The following PROSER2 variants were observed in gnomAD, a reference collection of about 807,000 sequenced individuals.
PROSER2 encodes the protein proline and serine-rich protein 2.
PROSER2 carries 18 observed loss-of-function variants against 14.6 expected under a neutral mutation model. The observed-to-expected ratio is 1.23, with a 90% CI of 0.85 to 1.83. The LOEUF (loss-of-function observed/expected upper bound fraction) is 1.83, where lower values mean the gene tolerates loss of function less well. PROSER2 is among the 40% of genes most tolerant of loss of function. The pLI, the probability that PROSER2 is intolerant of heterozygous loss-of-function variation, is 0.00. For missense variants in PROSER2, 823 were observed against 629.8 expected, an observed-to-expected ratio of 1.31 and a Z score of -3.28; for synonymous variants, 367 against 286.4, an observed-to-expected ratio of 1.28 and a Z score of -2.84.
rs1405213377 is a variant in PROSER2 at position 11,836,345 on chromosome 10, T to G, written c.-82+12875T>G. Among the ~76,000 whole-genome samples, 3 of 151,988 alleles carry G rather than the reference T, an allele frequency of 2.0e-5. No individual in the cohort carries two copies. In the East Asian group the frequency reaches 5.8e-4, roughly 29 times the overall value. ...CCAAGTAGTTGGGATTACGGGCGCATACCACCACACCCGGCTAATTTTTGC... is the reference window on the plus strand; with the variant it reads ...CCAAGTAGTTGGGATTACGGGCGCAGACCACCACACCCGGCTAATTTTTGC... On this transcript the variant is annotated intron_variant, in intron 1 of 3. Coordinates refer to ENST00000277570, the MANE Select transcript of PROSER2 (RefSeq NM_153256.4). The surrounding 1 kb of genome is among the most constrained non-coding windows in gnomAD (Gnocchi z 4.6).
intron 2 of PROSER2, among the ~76,000 whole-genome samples, chr10:11,855,501 G>A (rs945484570): frequency 6.6e-6 from 1 of 150,682 alleles, no homozygotes; most frequent in East Asian, 1.9e-4. Flanking sequence ...GAAAAAAGAC[G>A]ATAAAAGATG....
chr10:11,869,452 TGGGCC>T lies in PROSER2; in HGVS notation c.392-35_392-31del. ...GGAACTTCATGCATTTACTTTCACG[TGGGCC>T]GGTGGCTCACAGGCTCCTCCCTTGT... On this transcript the variant is annotated intron_variant, in intron 3 of 3. Transcript: ENST00000277570. The surrounding 1 kb of genome is among the most constrained non-coding windows in gnomAD (Gnocchi z 4.4). 6.7e-7 allele frequency: 1 copy of T among 1,499,260 alleles called. No homozygotes were observed. Among genetic ancestry groups the T allele is most frequent in the Middle Eastern group, 1.7e-4 (1 of 5,828 alleles). 92.9% of individuals were successfully genotyped at this position (1,499,260 alleles called of 1,614,324 possible).
chr10:11,826,411 T>G (rs1325208284), intron 1 of PROSER2, among the ~76,000 whole-genome samples: 1 of 152,102 alleles, frequency 6.6e-6, no homozygotes, highest in African/African-American at 2.4e-5. Context: ...AATTCCCGGG[T>G]CATATGGTAA....
rs1833673714 is a variant in PROSER2, at chr10:11,830,260, C to CT, written c.-82+6792dup. On this transcript the variant is annotated intron_variant, in intron 1 of 3. Transcript: ENST00000277570. The surrounding 1 kb of genome is among the most constrained non-coding windows in gnomAD (Gnocchi z 4.5). ...ATGTGGACCCATCGTTTAGTTCCCA[C>CT]TTGTGAGAACATGCAGTGTTTGACT... 1.3e-5 allele frequency among the ~76,000 whole-genome samples: 2 copies of CT among 152,180 alleles called. No individual in the cohort carries two copies. Among genetic ancestry groups the CT allele is most frequent in the Non-Finnish European group, 2.9e-5 (2 of 68,038 alleles).
At chr10:11,834,968 A>G (rs1378698104) in intron 1 of PROSER2, among the ~76,000 whole-genome samples, 2 of 152,024 alleles carry the variant, frequency 1.3e-5, no homozygotes, top group Non-Finnish European at 2.9e-5. Flanking sequence ...TTAGCCAGGC[A>G]TGGTGGCAGG....
chr10:11,853,264 T>C (rs1364140943), intron 2 of PROSER2, among the ~76,000 whole-genome samples: 3 of 152,212 alleles, frequency 2.0e-5, no homozygotes, highest in Non-Finnish European at 4.4e-5. Flanking sequence ...TATTTTCTTT[T>C]TTAAAACCAT....
chr10:11,842,931 C>CTTTTT lies in PROSER2; in HGVS notation c.-81-9043_-81-9039dup, dbSNP rs558283551. 1.1e-3 allele frequency among the ~76,000 whole-genome samples: 55 copies of CTTTTT among 51,958 alleles called. 8 individuals carry two copies. Among genetic ancestry groups the CTTTTT allele is most frequent in the African/African-American group, 2.2e-3 (32 of 14,740 alleles). 34.1% of individuals were successfully genotyped at this position (51,958 alleles called of 152,430 possible). ...TTTTCTATACTATTTTGCCATTGTT[C>CTTTTT]TTTTTTTTTTTTTTTTTTTTTTTTT... On this transcript the variant is annotated intron_variant, in intron 1 of 3. Transcript: ENST00000277570.
intron 2 of PROSER2, among the ~76,000 whole-genome samples, chr10:11,864,276 C>T (rs996218557): frequency 3.9e-5 from 6 of 152,184 alleles, no homozygotes; most frequent in African/African-American, 1.2e-4. Flanking sequence ...AAGTCTGTTG[C>T]TGTTTTCTGA....
In PROSER2 at chr10:11,842,931, C is replaced by CTTTTTTTTTTTTTTTTTTTTTTTTTTT. The variant is rs558283551; in HGVS notation, c.-81-9065_-81-9039dup. ...TTTTCTATACTATTTTGCCATTGTT[C>CTTTTTTTTTTTTTTTTTTTTTTTTTTT]TTTTTTTTTTTTTTTTTTTTTTTTT... is the stretch of plus-strand genomic sequence containing the variant. On this transcript the variant is annotated intron_variant, in intron 1 of 3. Coordinates refer to ENST00000277570, the MANE Select transcript of PROSER2 (RefSeq NM_153256.4). 6.7e-4 allele frequency among the ~76,000 whole-genome samples: 35 copies of CTTTTTTTTTTTTTTTTTTTTTTTTTTT among 51,956 alleles called. 4 individuals carry two copies. The highest frequency in any genetic ancestry group is 1.6e-3 in the East Asian group (3 of 1,902). The allele number at this position is 51,956 out of a possible 152,430, so 34.1% of individuals were successfully genotyped here. A position where few individuals can be genotyped will look rare whatever the true frequency, so the allele number is the denominator to read the frequency against.
chr10:11,868,890 A>G (rs534736218), intron 3 of PROSER2, among the ~76,000 whole-genome samples: 1 of 152,284 alleles, frequency 6.6e-6, no homozygotes, highest in South Asian at 2.1e-4. Flanking sequence ...GCCTCAAGTG[A>G]TCCACCTGCC....
intron 1 of PROSER2, among the ~76,000 whole-genome samples, chr10:11,827,000 T>G (rs948778348): frequency 7.4e-5 from 11 of 148,918 alleles, no homozygotes; most frequent in Non-Finnish European, 1.6e-4. Flanking sequence ...TCCTCCCACC[T>G]CAGCCTCCAG....
At position 11,870,435 on chromosome 10, in the gene PROSER2, T is replaced by G. The variant is rs1255958929; in HGVS notation, c.*29T>G. 3 of 1,431,612 alleles carry G rather than the reference T, an allele frequency of 2.1e-6. No homozygotes were observed. Among genetic ancestry groups the G allele is most frequent in the Non-Finnish European group, 2.7e-6 (3 of 1,093,360 alleles). 88.7% of individuals were successfully genotyped at this position (1,431,612 alleles called of 1,614,324 possible). A position where few individuals can be genotyped will look rare whatever the true frequency, so the allele number is the denominator to read the frequency against. ...CCGCGCGGGCTCCAGTCCACCCCGT[T>G]TCTCCCCACCCTGAAGAGAGGGTGA... is the stretch of plus-strand genomic sequence containing the variant. On this transcript the variant is annotated 3_prime_UTR_variant, in exon 4 of 4. Coordinates refer to ENST00000277570, the MANE Select transcript of PROSER2 (RefSeq NM_153256.4).
chr10:11,855,730 C>G (rs1834112635), intron 2 of PROSER2, among the ~76,000 whole-genome samples: 1 of 152,078 alleles, frequency 6.6e-6, no homozygotes, highest in African/African-American at 2.4e-5. Flanking sequence ...TAAAGGCCAG[C>G]CTGGGCAACA....
At chr10:11,858,923 C>T (rs926520897) in intron 2 of PROSER2, among the ~76,000 whole-genome samples, 3 of 147,544 alleles carry the variant, frequency 2.0e-5, no homozygotes, top group Non-Finnish European at 3.0e-5. Context: ...GCAGGAGAAT[C>T]GCTTGAACCC....
intron 2 of PROSER2, among the ~76,000 whole-genome samples, chr10:11,859,582 A>G (rs1018642906): frequency 6.6e-6 from 1 of 152,142 alleles, no homozygotes; most frequent in African/African-American, 2.4e-5. Context: ...TCCTATCTAC[A>G]TAGTTCCTAG....
chr10:11,836,870 G>C lies in PROSER2; in HGVS notation c.-82+13400G>C, dbSNP rs916746495. Among the ~76,000 whole-genome samples the C allele has an allele frequency of 2.6e-5, 4 of 152,174 alleles. No homozygotes were observed. The highest frequency in any genetic ancestry group is 9.6e-5 in the African/African-American group (4 of 41,458). On this transcript the variant is annotated intron_variant, in intron 1 of 3. Coordinates refer to ENST00000277570, the MANE Select transcript of PROSER2 (RefSeq NM_153256.4). This position sits in a 1 kb window ranked among gnomAD's most constrained non-coding sequence, Gnocchi z 4.6. ...TAGTTTCGGTTACTTGCAGTCAACC[G>C]TGGTCCAAAAATATGCGATGGAAAA... is the stretch of plus-strand genomic sequence containing the variant.
chr10:11,858,301 C>A (rs986417220), intron 2 of PROSER2, among the ~76,000 whole-genome samples: 2 of 152,156 alleles, frequency 1.3e-5, no homozygotes, highest in African/African-American at 4.8e-5. Context: ...TTTTGTTCAA[C>A]CAACCAAAGA....
chr10:11,851,752 T>C (rs117064117), intron 1 of PROSER2: 4,790 of 171,644 alleles, frequency 0.028, 93 homozygotes, highest in Middle Eastern at 0.11. Context: ...AGCAAGACTC[T>C]ATCTCTGAAA....
intron 1 of PROSER2, among the ~76,000 whole-genome samples, chr10:11,846,669 A>G (rs1833927413): frequency 6.6e-6 from 1 of 152,212 alleles, no homozygotes; most frequent in Non-Finnish European, 1.5e-5. Flanking sequence ...TTCATCCAGC[A>G]CTGAAACAGC....
Sources: gnomAD v4.1 joint callset for allele counts (sites outside exome capture counted in the v4.1 genomes callset) on GRCh38, gnomAD v4.1.1 for gene constraint, Gnocchi (gnomAD v3.1) non-coding constraint, MANE v1.5 for transcripts, NCBI Gene and HGNC (gene_info 2026-07-23, HGNC 2026-07-21) for gene names.